The following LRRC49 variants were observed in gnomAD, a reference collection of about 807,000 sequenced individuals.
LRRC49 encodes the protein leucine rich repeat containing 49.
In LRRC49, 50 loss-of-function variants were observed where a neutral mutation model predicts 83.3. The observed-to-expected ratio is 0.60, with a 90% CI of 0.48 to 0.76. LRRC49 has a LOEUF of 0.76. Among genes scored for constraint, LRRC49 ranks in the 30% least tolerant of loss-of-function variants. The pLI, the probability that LRRC49 is intolerant of heterozygous loss-of-function variation, is 0.00. For synonymous variants in LRRC49, 286 were observed against 283.3 expected, an observed-to-expected ratio of 1.01 and a Z score of -0.10; for missense variants, 704 against 809.1, an observed-to-expected ratio of 0.87 and a Z score of 1.58.
chr15:70,984,239 C>G lies in LRRC49; in HGVS notation c.1151C>G (p.Ala384Gly), dbSNP rs928393194. 4.3e-6 allele frequency: 7 copies of G among 1,611,710 alleles called. No homozygotes were observed. In the African/African-American group the frequency reaches 9.4e-5, roughly 22 times the overall value. ...PCQIDGSTLS[A>G]FPEETGPLDS... ...CAGATTGATGGAAGCACCCTCTCTG[C>G]ATTCCCAGAGGAAACAGGGTATGCA... Residue 384 changes from alanine (A) to glycine (G), a missense_variant, in exon 11 of 16, where the codon GCA (alanine) becomes GGA (glycine). Ala to Gly is a moderately conservative substitution (Grantham distance 60). Transcript: ENST00000260382.
At chr15:71,011,352 C>A (rs1225286396) in intron 13 of LRRC49, among the ~76,000 whole-genome samples, 2 of 151,878 alleles carry the variant, frequency 1.3e-5, no homozygotes, top group African/African-American at 4.8e-5. Context: ...GGTGTATTTA[C>A]CCAGATATGG....
chr15:70,919,613 T>C (rs914551010), intron 7 of LRRC49, among the ~76,000 whole-genome samples: 1 of 152,190 alleles, frequency 6.6e-6, no homozygotes, highest in African/African-American at 2.4e-5. Context: ...TTGCAGTTTT[T>C]AAAGAGGAGC....
chr15:71,000,221 G>C (rs2038211136), intron 11 of LRRC49, among the ~76,000 whole-genome samples: 2 of 152,088 alleles, frequency 1.3e-5, no homozygotes, highest in Non-Finnish European at 2.9e-5. Context: ...TTTGTTTTTG[G>C]GGTTTTTTTG....
At chr15:70,910,938 A>C (rs1053212574) in intron 5 of LRRC49, among the ~76,000 whole-genome samples, 1 of 152,196 alleles carries the variant, frequency 6.6e-6, no homozygotes, top group Non-Finnish European at 1.5e-5. Flanking sequence ...CAGAAAAAGG[A>C]AAGAGTAATG....
intron 11 of LRRC49, among the ~76,000 whole-genome samples, chr15:70,985,081 A>C (rs1257104641): frequency 4.2e-5 from 6 of 144,454 alleles, no homozygotes; most frequent in Admixed American, 3.5e-4. Context: ...ATAGTGCCGC[A>C]ATAAACATAC....
chr15:71,031,204 G>A (rs919831572), intron 14 of LRRC49, among the ~76,000 whole-genome samples: 3 of 152,146 alleles, frequency 2.0e-5, no homozygotes, highest in African/African-American at 7.2e-5. Flanking sequence ...GATCCTTTAT[G>A]TTGATGTTGC....
intron 9 of LRRC49, among the ~76,000 whole-genome samples, chr15:70,979,568 T>TA: frequency 6.6e-6 from 1 of 152,168 alleles, no homozygotes; most frequent in East Asian, 1.9e-4. Flanking sequence ...TTTTAGAATT[T>TA]AAAAAATGAG....
intron 8 of LRRC49, among the ~76,000 whole-genome samples, chr15:70,945,910 A>C (rs1204565729): frequency 1.3e-5 from 2 of 152,110 alleles, no homozygotes; most frequent in African/African-American, 4.8e-5. Flanking sequence ...AGAACTGTCA[A>C]CTAGTCTCTG....
At chr15:70,959,232 C>G (rs1267618101) in intron 8 of LRRC49, among the ~76,000 whole-genome samples, 1 of 152,132 alleles carries the variant, frequency 6.6e-6, no homozygotes, top group Non-Finnish European at 1.5e-5. Flanking sequence ...GTGGCTCACG[C>G]CTGTAATCCC....
chr15:70,856,703 C>G (rs1045843514), intron 1 of LRRC49, among the ~76,000 whole-genome samples: 5 of 152,162 alleles, frequency 3.3e-5, no homozygotes, highest in Non-Finnish European at 7.4e-5. Context: ...AAGTCCAACT[C>G]GATCACGTTT....
At chr15:71,008,671 G>A in intron 12 of LRRC49, 55 bp downstream of exon 12, 1 of 1,301,336 alleles carries the variant, frequency 7.7e-7, no homozygotes, top group Admixed American at 1.8e-5. Flanking sequence ...TGACTTGTGT[G>A]TTCAGGCCAA....
chr15:70,923,797 T>C (rs537690551), intron 7 of LRRC49, among the ~76,000 whole-genome samples: 1 of 152,024 alleles, frequency 6.6e-6, no homozygotes, highest in Admixed American at 6.5e-5. Flanking sequence ...TCTCCCTTTT[T>C]CCTTCTCCAT....
chr15:71,008,323 C>A, intron 11 of LRRC49, 56 bp from the exon 12 acceptor site: 1 of 971,270 alleles, frequency 1.0e-6, no homozygotes, highest in Non-Finnish European at 1.6e-6. Flanking sequence ...GGTCATTATA[C>A]TGTTAGGTAT....
rs531431476 is a variant in LRRC49, at chr15:71,016,450, T to C, written c.1703+3537T>C. Among the ~76,000 whole-genome samples, 23 of 152,114 alleles carry C rather than the reference T, an allele frequency of 1.5e-4. No individual in the cohort carries two copies. In the South Asian group the frequency reaches 1.7e-3, roughly 11 times the overall value. On this transcript the variant is annotated intron_variant, in intron 14 of 15. Coordinates refer to ENST00000260382, the MANE Select transcript of LRRC49 (RefSeq NM_017691.5). The stretch of plus-strand genomic sequence containing the variant: ...AGAAAGTAATGAATGAAGCTTTTAC[T>C]TCAGGAACCTAGAGAAATACCAAAG...
chr15:71,032,427 C>G (rs991325068), intron 14 of LRRC49, among the ~76,000 whole-genome samples: 2 of 151,814 alleles, frequency 1.3e-5, no homozygotes, highest in Non-Finnish European at 2.9e-5. Context: ...CTATTCTGCC[C>G]TCTTGGTTCC....
intron 8 of LRRC49, among the ~76,000 whole-genome samples, chr15:70,959,242 C>T (rs1217212893): frequency 6.6e-6 from 1 of 152,124 alleles, no homozygotes; most frequent in Non-Finnish European, 1.5e-5. Flanking sequence ...CCTGTAATCC[C>T]AGCACTCTGG....
chr15:71,046,947 T>G (rs1596184359), intron 15 of LRRC49, among the ~76,000 whole-genome samples: 1 of 152,146 alleles, frequency 6.6e-6, no homozygotes, highest in Non-Finnish European at 1.5e-5. Flanking sequence ...GAATAGGGAG[T>G]CCTTTCCCCA....
At chr15:70,925,249 T>A (rs919553189) in intron 7 of LRRC49, among the ~76,000 whole-genome samples, 1 of 152,064 alleles carries the variant, frequency 6.6e-6, no homozygotes, top group African/African-American at 2.4e-5. Context: ...AAATGCATTT[T>A]AAAATATTAC....
Position 71,008,421 on chromosome 15 carries a change from T to G in LRRC49, c.1212T>G (p.Ser404=). The G allele has an allele frequency of 1.2e-6, 2 of 1,612,732 alleles. No homozygotes were observed. Among genetic ancestry groups the G allele is most frequent in the Non-Finnish European group, 1.7e-6 (2 of 1,179,028 alleles). ...TCAACAATGCTTTACAAGGTTTATC[T>G]GTCATAGACACATACCTTGTTGAAG... The part of the protein sequence containing the change: ...SGLNNALQGL[S]VIDTYLVEVD... Residue 404 remains serine (S), a synonymous_variant, in exon 12 of 16, where the codon TCT becomes TCG. Transcript: ENST00000260382.
Sources: allele counts gnomAD v4.1 joint callset (sites outside exome capture counted in the v4.1 genomes callset), GRCh38; gene constraint gnomAD v4.1.1; transcripts MANE v1.5; gene names NCBI Gene and HGNC (gene_info 2026-07-23, HGNC 2026-07-21).